The following GPC5 variants were observed in gnomAD, a reference collection of about 807,000 sequenced individuals.
GPC5 encodes the protein glypican 5, also known as glypican-5.
Under a neutral mutation model 53.9 loss-of-function variants are expected in GPC5, and 47 were observed. The observed-to-expected ratio is 0.87, with a 90% CI of 0.69 to 1.11. GPC5 has a LOEUF of 1.11. Ranked by LOEUF, GPC5 falls within the 50% of genes most tolerant of loss-of-function variation. The probability of loss-of-function intolerance (pLI) is 0.00; values close to 1 mark genes in which losing one functional copy is unlikely to be tolerated. For synonymous variants in GPC5, 286 were observed against 263.3 expected (o/e 1.09, Z -0.84); for missense variants, 748 against 713.1 (o/e 1.05, Z -0.56).
chr13:91,479,035 C>T (rs1396873094), intron 2 of GPC5, among the ~76,000 whole-genome samples: 1 of 150,862 alleles, frequency 6.6e-6, no homozygotes. Flanking sequence ...GTCTCAGCCT[C>T]CGAAGTAGCT....
At chr13:92,566,844 T>C (rs533315898) in intron 7 of GPC5, among the ~76,000 whole-genome samples, 2 of 152,238 alleles carry the variant, frequency 1.3e-5, no homozygotes, top group South Asian at 4.1e-4. Context: ...AATAATAATA[T>C]TAAAGAGATT....
intron 7 of GPC5, among the ~76,000 whole-genome samples, chr13:92,173,780 C>A (rs928623998): frequency 1.3e-5 from 2 of 152,046 alleles, no homozygotes; most frequent in Non-Finnish European, 2.9e-5. Context: ...TATTATGAGC[C>A]AACAAATATT....
At chr13:92,503,656 C>T (rs773970606) in intron 7 of GPC5, among the ~76,000 whole-genome samples, 3 of 151,662 alleles carry the variant, frequency 2.0e-5, no homozygotes, top group Admixed American at 6.6e-5. Context: ...TTTATCGATA[C>T]CCAATTATCA....
intron 7 of GPC5, among the ~76,000 whole-genome samples, chr13:92,628,264 C>CTTTCTTT (rs1885115304): frequency 2.2e-5 from 1 of 45,338 alleles, no homozygotes. Context: ...CTTTTTCTTT[C>CTTTCTTT]TTTTTTTTTT....
At chr13:92,593,146 A>T (rs1883767316) in intron 7 of GPC5, among the ~76,000 whole-genome samples, 1 of 151,210 alleles carries the variant, frequency 6.6e-6, no homozygotes, top group South Asian at 2.1e-4. Context: ...GCATGGGTGG[A>T]TAAAGTGACT....
intron 7 of GPC5, among the ~76,000 whole-genome samples, chr13:92,753,258 C>A (rs1426847600): frequency 2.6e-5 from 4 of 152,140 alleles, no homozygotes; most frequent in Admixed American, 1.3e-4. Flanking sequence ...GGTACTCCAA[C>A]AGACCTGCAG....
At chr13:91,897,476 A>C (rs1303262117) in intron 5 of GPC5, among the ~76,000 whole-genome samples, 1 of 152,126 alleles carries the variant, frequency 6.6e-6, no homozygotes, top group Non-Finnish European at 1.5e-5. Context: ...AAAGTCAGAA[A>C]GAAGAGCAGT....
intron 7 of GPC5, among the ~76,000 whole-genome samples, chr13:92,725,260 T>G (rs573843829): frequency 7.9e-5 from 12 of 151,642 alleles, no homozygotes; most frequent in Admixed American, 4.0e-4. Flanking sequence ...TTTGCTACTA[T>G]GCTGTCTAAT....
intron 1 of GPC5, among the ~76,000 whole-genome samples, chr13:91,408,652 C>T (rs1229752004): frequency 6.6e-6 from 1 of 152,098 alleles, no homozygotes; most frequent in South Asian, 2.1e-4. Flanking sequence ...TATGGTCCAG[C>T]TATTAACTTA....
chr13:92,410,692 A>G (rs1284910500), intron 7 of GPC5, among the ~76,000 whole-genome samples: 2 of 152,218 alleles, frequency 1.3e-5, no homozygotes, highest in Non-Finnish European at 2.9e-5. Flanking sequence ...TTTGTTGCAT[A>G]TAATATAAAA....
intron 7 of GPC5, among the ~76,000 whole-genome samples, chr13:92,586,027 A>G (rs1290714970): frequency 6.6e-6 from 1 of 152,240 alleles, no homozygotes; most frequent in Non-Finnish European, 1.5e-5. Context: ...ACGCCTGGCT[A>G]GGTTTACAGA....
intron 7 of GPC5, among the ~76,000 whole-genome samples, chr13:92,332,865 C>G (rs1362423356): frequency 6.6e-6 from 1 of 152,180 alleles, no homozygotes; most frequent in Non-Finnish European, 1.5e-5. Flanking sequence ...ACTGCTGAGA[C>G]TTCTGGTTTC....
At chr13:92,748,311 TTTA>T (rs71202559) in intron 7 of GPC5, among the ~76,000 whole-genome samples, 24,194 of 142,202 alleles carry the variant, frequency 0.17, 2,211 homozygotes, top group Non-Finnish European at 0.22. Context: ...TGCATTTTAT[TTTA>T]TTATTATTAT....
intron 7 of GPC5, among the ~76,000 whole-genome samples, chr13:92,454,676 G>C (rs1031825902): frequency 1.3e-5 from 2 of 152,134 alleles, no homozygotes; most frequent in African/African-American, 4.8e-5. Context: ...GTATGCATTT[G>C]CCCATACTTG....
At chr13:91,808,300 A>G (rs2038254521) in intron 5 of GPC5, among the ~76,000 whole-genome samples, 1 of 152,162 alleles carries the variant, frequency 6.6e-6, no homozygotes, top group South Asian at 2.1e-4. Context: ...GAAAGACAGT[A>G]GAGAGTACCA....
intron 7 of GPC5, among the ~76,000 whole-genome samples, chr13:92,354,284 G>A (rs562671827): frequency 1.7e-4 from 26 of 152,162 alleles, no homozygotes; most frequent in Non-Finnish European, 3.4e-4. Flanking sequence ...CTTTATAATT[G>A]CTACTTCCTA....
intron 7 of GPC5, among the ~76,000 whole-genome samples, chr13:92,785,012 C>T (rs1418993621): frequency 1.3e-5 from 2 of 152,190 alleles, no homozygotes; most frequent in Admixed American, 6.5e-5. Context: ...CATGGTGGCT[C>T]ACGCCTGTAA....
Position 92,866,504 on chromosome 13 carries a change from G to T in GPC5, c.*65G>T. 8.2e-7 allele frequency: 1 copy of T among 1,221,016 alleles called. No homozygotes were observed. 75.6% of individuals were successfully genotyped at this position (1,221,016 alleles called of 1,614,324 possible). ...ATTTCTTCTCTCTCTGCATATGCCTGGAATAAGAGATCCTTTTTCAATGTA... is the reference window on the plus strand; with the variant it reads ...ATTTCTTCTCTCTCTGCATATGCCTTGAATAAGAGATCCTTTTTCAATGTA... On this transcript the variant is annotated 3_prime_UTR_variant, in exon 8 of 8. Transcript: ENST00000377067.
chr13:92,511,521 C>T (rs1469051586), intron 7 of GPC5, among the ~76,000 whole-genome samples: 2 of 152,166 alleles, frequency 1.3e-5, no homozygotes, highest in African/African-American at 4.8e-5. Context: ...AATCAGCTGT[C>T]ATTTAGCCTG....
Sources: allele counts gnomAD v4.1 joint callset (sites outside exome capture counted in the v4.1 genomes callset), GRCh38; gene constraint gnomAD v4.1.1; transcripts MANE v1.5; gene names NCBI Gene and HGNC (gene_info 2026-07-23, HGNC 2026-07-21).